The following STARD13 variants were observed in gnomAD, a reference collection of about 807,000 sequenced individuals.
The protein encoded by STARD13 is StAR related lipid transfer domain containing 13.
In STARD13, 62 loss-of-function variants were observed where a neutral mutation model predicts 106.4. That is an observed-to-expected ratio of 0.58 (90% CI 0.48 to 0.72). The LOEUF is 0.72. Ranked by LOEUF, STARD13 falls within the 30% of genes least tolerant of loss-of-function variation. The pLI, the probability that STARD13 is intolerant of heterozygous loss-of-function variation, is 0.00. For synonymous variants in STARD13, 565 were observed against 553.0 expected (o/e 1.02, Z -0.31); for missense variants, 1,387 against 1,424.0 (o/e 0.97, Z 0.42).
upstream of STARD13, among the ~76,000 whole-genome samples, chr13:33,352,117 G>A (rs1036027102): frequency 3.9e-5 from 6 of 152,190 alleles, no homozygotes; most frequent in Non-Finnish European, 5.9e-5. Flanking sequence ...CAGTTATGAA[G>A]CAATAAGTCA....
chr13:33,398,591 T>A, the STARD13 span, among the ~76,000 whole-genome samples: 6 of 150,278 alleles, frequency 4.0e-5, no homozygotes, highest in African/African-American at 1.5e-4. Flanking sequence ...ATATAAAAAA[T>A]TCAACTAAAT....
intron 1 of STARD13, among the ~76,000 whole-genome samples, chr13:33,222,799 A>C (rs1002866087): frequency 1.3e-5 from 2 of 152,264 alleles, no homozygotes; most frequent in African/African-American, 4.8e-5. Context: ...AATGTTCAGC[A>C]ACCAGCAAAA....
chr13:33,327,380 A>T (rs78136788), intron 1 of STARD13, among the ~76,000 whole-genome samples: 3,775 of 151,990 alleles, frequency 0.025, 153 homozygotes, highest in African/African-American at 0.084. Context: ...ACTTTTTTTT[A>T]AAATTTTTAG....
chr13:33,436,761 C>T, the STARD13 span, among the ~76,000 whole-genome samples: 1 of 152,112 alleles, frequency 6.6e-6, no homozygotes, highest in African/African-American at 2.4e-5. Flanking sequence ...TAATGACTGG[C>T]CTTTAAACCA....
Position 33,110,852 on chromosome 13 carries a change from T to C in STARD13, c.2663A>G (p.His888Arg), listed in dbSNP as rs747854876. 3.7e-6 allele frequency: 6 copies of C among 1,613,998 alleles called. No homozygotes were observed. The highest frequency in any genetic ancestry group is 5.1e-6 in the Non-Finnish European group (6 of 1,180,034). ...CCCCAATTCTTCCAGGGTTGGCACG[T>C]GGATCTCAGCCTCCACATACGAGTT... Reference protein sequence around the residue: ...SRNSYVEAEIHVPTLEELGTQ... With the variant: ...SRNSYVEAEIRVPTLEELGTQ... The change falls in exon 11 of 14, where the codon CAC (histidine) becomes CGC (arginine). Residue 888 changes from histidine (H) to arginine (R), a missense_variant. Coordinates refer to ENST00000336934, the MANE Select transcript of STARD13 (RefSeq NM_178006.4).
chr13:33,244,175 C>T (rs890340024), intron 1 of STARD13, among the ~76,000 whole-genome samples: 18 of 151,594 alleles, frequency 1.2e-4, no homozygotes, highest in South Asian at 4.2e-4. Context: ...CTGGGAATGC[C>T]GATACCATGA....
intron 1 of STARD13, among the ~76,000 whole-genome samples, chr13:33,291,511 T>C (rs1246079551): frequency 6.6e-6 from 1 of 152,212 alleles, no homozygotes; most frequent in Non-Finnish European, 1.5e-5. Context: ...ATTCAGGGCA[T>C]TGTACTTTTG....
chr13:33,329,242 A>ATT (rs139219751), intron 1 of STARD13, among the ~76,000 whole-genome samples: 6 of 151,480 alleles, frequency 4.0e-5, no homozygotes, highest in African/African-American at 1.5e-4. Flanking sequence ...GAATTACAGG[A>ATT]TTTTTTTTTG....
the STARD13 span, among the ~76,000 whole-genome samples, chr13:33,380,419 A>AG: frequency 6.6e-6 from 1 of 151,180 alleles, no homozygotes; most frequent in African/African-American, 2.4e-5. Context: ...TGTCTCAAAA[A>AG]AAAAAAAAAA....
chr13:33,221,315 T>G (rs1888343258), intron 1 of STARD13, among the ~76,000 whole-genome samples: 1 of 152,198 alleles, frequency 6.6e-6, no homozygotes, highest in Non-Finnish European at 1.5e-5. Flanking sequence ...TCCAGGTGCC[T>G]CATGTAAGTG....
the STARD13 span, among the ~76,000 whole-genome samples, chr13:33,580,299 G>A: frequency 6.6e-6 from 1 of 152,050 alleles, no homozygotes; most frequent in East Asian, 1.9e-4. Flanking sequence ...GATCTGGAAA[G>A]GCTACACACC....
chr13:33,240,810 T>C lies in STARD13; in HGVS notation c.169+44660A>G, dbSNP rs1214352779. Among the ~76,000 whole-genome samples, 4 of 148,944 alleles carry C rather than the reference T, an allele frequency of 2.7e-5. No homozygotes were observed. In the East Asian group the frequency reaches 7.7e-4, roughly 29 times the overall value. On this transcript the variant is annotated intron_variant, in intron 1 of 13. Transcript: ENST00000336934. ...CCTTAAGTTTATCCTTAAGTATCCTTATTTCCTTTTGATAGTACTATAAGT... is the reference window on the plus strand; with the variant it reads ...CCTTAAGTTTATCCTTAAGTATCCTCATTTCCTTTTGATAGTACTATAAGT...
At chr13:33,409,939 A>T in the STARD13 span, among the ~76,000 whole-genome samples, 10 of 152,208 alleles carry the variant, frequency 6.6e-5, no homozygotes, top group Non-Finnish European at 1.5e-4. Flanking sequence ...TTTTCCCAGC[A>T]CATTCTCCTT....
At chr13:33,185,968 A>G in intron 1 of STARD13, 1 of 1,614,218 alleles carries the variant, frequency 6.2e-7, no homozygotes, top group Non-Finnish European at 8.5e-7. Context: ...AGCACCAAGC[A>G]CCACAAAGGG....
the STARD13 span, among the ~76,000 whole-genome samples, chr13:33,532,817 T>C: frequency 6.6e-6 from 1 of 152,202 alleles, no homozygotes; most frequent in Non-Finnish European, 1.5e-5. Flanking sequence ...ACATGAGGAA[T>C]CCAAAGGGTA....
intron 1 of STARD13, among the ~76,000 whole-genome samples, chr13:33,338,108 T>C (rs1306857967): frequency 3.9e-5 from 6 of 152,218 alleles, no homozygotes; most frequent in African/African-American, 1.4e-4. Context: ...GTACCAGTTA[T>C]AAGTTGCTGG....
At chr13:33,621,024 TTA>T in the STARD13 span, among the ~76,000 whole-genome samples, 4 of 151,654 alleles carry the variant, frequency 2.6e-5, no homozygotes, top group African/African-American at 7.3e-5. Flanking sequence ...TATTAAATGT[TTA>T]TATTAGAAAA....
chr13:33,641,239 CTTTTCTT>C, the STARD13 span, among the ~76,000 whole-genome samples: 1 of 152,128 alleles, frequency 6.6e-6, no homozygotes, highest in Non-Finnish European at 1.5e-5. Context: ...CATTTCCTTT[CTTTTCTT>C]TTTTCTTTTT....
At chr13:33,561,020 A>T in the STARD13 span, among the ~76,000 whole-genome samples, 1 of 151,564 alleles carries the variant, frequency 6.6e-6, no homozygotes, top group African/African-American at 2.4e-5. Flanking sequence ...TATCTCTCAG[A>T]GGCCACTGTT....
Sources: allele counts gnomAD v4.1 joint callset (sites outside exome capture counted in the v4.1 genomes callset), GRCh38; gene constraint gnomAD v4.1.1; transcripts MANE v1.5; gene names NCBI Gene and HGNC (gene_info 2026-07-23, HGNC 2026-07-21).